The following FXYD5 variants were observed in gnomAD, a reference collection of about 807,000 sequenced individuals.
FXYD5 encodes the protein FXYD domain-containing ion transport regulator 5.
A neutral mutation model predicts 25.7 loss-of-function variants in FXYD5; 21 were observed. That is an observed-to-expected ratio of 0.82 (90% CI 0.58 to 1.18). The LOEUF (loss-of-function observed/expected upper bound fraction) is 1.18. FXYD5 is among the 50% of genes most tolerant of loss of function. The probability of loss-of-function intolerance (pLI) is 0.00; values close to 1 mark genes in which losing one functional copy is unlikely to be tolerated. For missense variants in FXYD5, 229 were observed against 227.7 expected (o/e 1.01, Z -0.04); for synonymous variants, 101 against 90.7 (o/e 1.11, Z -0.64).
At position 35,166,174 on chromosome 19, in the gene FXYD5, A is replaced by C. The variant is rs754084268; in HGVS notation, c.412+3A>C. ...TGAGGATGACCCCTTCTTCTATGGTAAGTTATCCACAGGAAGATGTGGGGG... is the reference window on the plus strand; with the variant it reads ...TGAGGATGACCCCTTCTTCTATGGTCAGTTATCCACAGGAAGATGTGGGGG... On this transcript the variant is annotated splice_donor_region_variant and intron_variant, in intron 7 of 8. Coordinates refer to ENST00000392219, the MANE Select transcript of FXYD5 (RefSeq NM_014164.6). The C allele has an allele frequency of 9.7e-5, 156 of 1,613,556 alleles. No homozygotes were observed. Among genetic ancestry groups the C allele is most frequent in the Non-Finnish European group, 1.3e-4 (155 of 1,179,670 alleles).
intron 1 of FXYD5, chr19:35,155,342 C>G: frequency 1.7e-6 from 1 of 591,162 alleles, no homozygotes; most frequent in Non-Finnish European, 3.0e-6. Flanking sequence ...CTTTGGGGAC[C>G]TGCAGGGGAA....
chr19:35,168,302 G>A (rs937347713), intron 8 of FXYD5, among the ~76,000 whole-genome samples: 8 of 152,184 alleles, frequency 5.3e-5, no homozygotes, highest in African/African-American at 1.9e-4. Context: ...ATAAATGCAT[G>A]AATGAGTGGA....
chr19:35,159,364 G>A (rs1009121044), intron 4 of FXYD5, among the ~76,000 whole-genome samples: 25 of 152,194 alleles, frequency 1.6e-4, no homozygotes, highest in African/African-American at 6.0e-4. Flanking sequence ...AAAATGCACT[G>A]ACTGTGTGCT....
At chr19:35,159,601 A>G in intron 4 of FXYD5, 1 of 1,550,606 alleles carries the variant, frequency 6.4e-7, no homozygotes, top group Non-Finnish European at 8.7e-7. Flanking sequence ...ACACAGCACC[A>G]CAATGAGCAA....
intron 5 of FXYD5, among the ~76,000 whole-genome samples, chr19:35,162,360 CT>C (rs761820819): frequency 2.0e-5 from 3 of 152,190 alleles, no homozygotes; most frequent in Non-Finnish European, 4.4e-5. Flanking sequence ...GGGTTTTAAT[CT>C]GCTCAGGTTA....
chr19:35,164,637 T>C (rs1405423921), intron 6 of FXYD5, among the ~76,000 whole-genome samples: 2 of 152,106 alleles, frequency 1.3e-5, no homozygotes, highest in African/African-American at 2.4e-5. Flanking sequence ...TCCCTGGTGA[T>C]CTTATCCACC....
At chr19:35,168,027 T>A (rs10406424) in intron 8 of FXYD5, among the ~76,000 whole-genome samples, 4,114 of 151,780 alleles carry the variant, frequency 0.027, 191 homozygotes, top group African/African-American at 0.094. Flanking sequence ...AAGACCAGCA[T>A]GGGCAAAATA....
At chr19:35,168,643 G>C (rs2065471563) in intron 8 of FXYD5, among the ~76,000 whole-genome samples, 1 of 152,142 alleles carries the variant, frequency 6.6e-6, no homozygotes, top group Admixed American at 6.5e-5. Context: ...CTCTGGAGCA[G>C]CCACAGATGA....
intron 8 of FXYD5, chr19:35,166,687 G>C (rs2065454115): frequency 5.6e-6 from 2 of 357,408 alleles, no homozygotes; most frequent in Admixed American, 8.8e-5. Context: ...TTCGCATGGT[G>C]GTGGCAGGGA....
chr19:35,169,456 T>C, intron 8 of FXYD5, 110 bp from the exon 9 acceptor site: 1 of 807,004 alleles, frequency 1.2e-6, no homozygotes, highest in Non-Finnish European at 2.1e-6. Flanking sequence ...GGAGTTGCCT[T>C]TGAGTTTCCC....
Position 35,164,201 on chromosome 19 carries a change from C to T in FXYD5, c.338C>T (p.Pro113Leu), listed in dbSNP as rs1318245408. ...ACGACGCTCTCTGAGAGACCATCCC[C>T]AAGCACAGACGTCCAGACAGACCCC... is the stretch of plus-strand genomic sequence containing the variant. ...DTTTLSERPS[P>L]STDVQTDPQT... Residue 113 changes from proline to leucine, a missense_variant, in exon 6 of 9, where the codon CCA (proline) becomes CTA (leucine). Coordinates refer to ENST00000392219, the MANE Select transcript of FXYD5 (RefSeq NM_014164.6). 3.1e-6 allele frequency: 5 copies of T among 1,613,992 alleles called. No homozygotes were observed. The Admixed American group carries it at 5.0e-5, about 16-fold the overall frequency.
At chr19:35,155,530 C>T (rs764486688) in intron 1 of FXYD5, 21 bp from the exon 2 acceptor site, 2 of 1,604,360 alleles carry the variant, frequency 1.2e-6, no homozygotes, top group African/African-American at 1.3e-5. Context: ...TGGCTGACCC[C>T]AGCATCGCCT....
In FXYD5 at chr19:35,166,376, A is replaced by G. The variant is rs1015658279; in HGVS notation, c.487+51A>G. ...GACACCAAGACCAGGAGGGGGACTT[A>G]TGACGGAGGGCTGGGTTCTCAAAGG... On this transcript the variant is annotated intron_variant, in intron 8 of 8. Coordinates refer to ENST00000392219, the MANE Select transcript of FXYD5 (RefSeq NM_014164.6). 5.0e-6 allele frequency: 6 copies of G among 1,207,974 alleles called. No homozygotes were observed. In the South Asian group the frequency reaches 8.6e-5, roughly 17 times the overall value. The allele number at this position is 1,207,974 out of a possible 1,614,324, so 74.8% of individuals were successfully genotyped here.
intron 8 of FXYD5, among the ~76,000 whole-genome samples, chr19:35,169,092 T>C (rs1055088939): frequency 1.3e-5 from 2 of 149,968 alleles, no homozygotes; most frequent in South Asian, 2.1e-4. Flanking sequence ...AACCTCCTCA[T>C]TGAAGCCCCA....
Position 35,157,507 on chromosome 19 carries a change from G to T in FXYD5, c.142+6G>T. On this transcript the variant is annotated splice_donor_region_variant and intron_variant, in intron 3 of 8. Coordinates refer to ENST00000392219, the MANE Select transcript of FXYD5 (RefSeq NM_014164.6). ...GGTCCCGACACGAGCCCCAGGTGAG[G>T]AAAGGGACACATCTATCAAGATCCT... is the stretch of plus-strand genomic sequence containing the variant. The T allele has an allele frequency of 7.1e-7, 1 of 1,402,940 alleles. No homozygotes were observed. The highest frequency in any genetic ancestry group is 1.2e-5 in the South Asian group (1 of 86,608). 86.9% of individuals were successfully genotyped at this position (1,402,940 alleles called of 1,614,324 possible).
In FXYD5 at chr19:35,159,140, A is replaced by G. The variant is rs76806698; in HGVS notation, c.199+740A>G. Among the ~76,000 whole-genome samples, 6 of 152,038 alleles carry G rather than the reference A, an allele frequency of 3.9e-5. 1 individual carries two copies. The South Asian group carries it at 1.2e-3, about 32-fold the overall frequency. ...AAACCCTGTCTCAAAAAAAAAAAAA[A>G]GTGCTCCCTGATTTTTTCAATCGAT... is the stretch of plus-strand genomic sequence containing the variant. On this transcript the variant is annotated intron_variant, in intron 4 of 8. Coordinates refer to ENST00000392219, the MANE Select transcript of FXYD5 (RefSeq NM_014164.6).
At chr19:35,161,249 A>ACACACACACACACACACAC (rs58296906) in intron 5 of FXYD5, among the ~76,000 whole-genome samples, 3,714 of 120,284 alleles carry the variant, frequency 0.031, 155 homozygotes, top group South Asian at 0.08. Context: ...CACACACACA[A>ACACACACACACACACACAC]AAGAATGATT....
intron 1 of FXYD5, 137 bp from the exon 2 acceptor site, chr19:35,155,414 C>T: frequency 2.8e-6 from 2 of 716,300 alleles, no homozygotes; most frequent in South Asian, 1.6e-5. Flanking sequence ...TGAGGCCAGC[C>T]GTCAGCCCCT....
chr19:35,157,274 C>G, intron 2 of FXYD5, 147 bp from the exon 3 acceptor site: 1 of 546,788 alleles, frequency 1.8e-6, no homozygotes, highest in East Asian at 3.4e-5. Flanking sequence ...GCTGAAAACA[C>G]TTTCAGAATT....
Sources: allele counts gnomAD v4.1 joint callset (sites outside exome capture counted in the v4.1 genomes callset), GRCh38; gene constraint gnomAD v4.1.1; transcripts MANE v1.5; gene names NCBI Gene and HGNC (gene_info 2026-07-23, HGNC 2026-07-21).